The following RASEF variants were observed in gnomAD, a reference collection of about 807,000 sequenced individuals.
The protein encoded by RASEF is ras and EF-hand domain-containing protein.
RASEF carries 68 observed loss-of-function variants against 90.1 expected under a neutral mutation model. The observed-to-expected ratio is 0.75, with a 90% CI of 0.62 to 0.92. The LOEUF (loss-of-function observed/expected upper bound fraction) is 0.92, where lower values mean the gene tolerates loss of function less well. Among genes scored for constraint, RASEF ranks in the 40% least tolerant of loss-of-function variants. The probability of loss-of-function intolerance (pLI) is 0.00; values close to 1 mark genes in which losing one functional copy is unlikely to be tolerated. For synonymous variants in RASEF, 331 were observed against 345.2 expected (o/e 0.96, Z 0.46); for missense variants, 949 against 937.2 (o/e 1.01, Z -0.16).
chr9:83,193,616 A>G, the RASEF span, among the ~76,000 whole-genome samples: 1 of 152,198 alleles, frequency 6.6e-6, no homozygotes, highest in Non-Finnish European at 1.5e-5. Context: ...TCTTCCTCTA[A>G]GTGGCCTCAT....
At chr9:83,176,085 C>T in the RASEF span, among the ~76,000 whole-genome samples, 14 of 152,096 alleles carry the variant, frequency 9.2e-5, no homozygotes, top group African/African-American at 3.4e-4. Flanking sequence ...GTCATTCTAC[C>T]CATTTTTGAA....
At chr9:83,128,721 G>A in the RASEF span, among the ~76,000 whole-genome samples, 1 of 152,042 alleles carries the variant, frequency 6.6e-6, no homozygotes, top group Admixed American at 6.5e-5. Flanking sequence ...CACCAAACGT[G>A]GGTATGAGCT....
chr9:83,075,285 T>G, the RASEF span, among the ~76,000 whole-genome samples: 2 of 152,230 alleles, frequency 1.3e-5, no homozygotes. Context: ...TTTATATTCT[T>G]TCTGTAATTG....
At chr9:83,107,948 A>G in the RASEF span, among the ~76,000 whole-genome samples, 70 of 152,358 alleles carry the variant, frequency 4.6e-4, no homozygotes, top group African/African-American at 1.6e-3. Flanking sequence ...TCTCAAAAAC[A>G]TGTTGAGTGA....
chr9:83,159,857 T>C, the RASEF span, among the ~76,000 whole-genome samples: 6 of 152,170 alleles, frequency 3.9e-5, no homozygotes, highest in East Asian at 1.9e-4. Context: ...TGGGAGGTGA[T>C]TGAATTATGG....
At chr9:83,189,237 C>A in the RASEF span, among the ~76,000 whole-genome samples, 1 of 152,172 alleles carries the variant, frequency 6.6e-6, no homozygotes, top group African/African-American at 2.4e-5. Context: ...TTATAAGGGG[C>A]TTTCCCCACT....
At chr9:83,034,666 C>A (rs73469465) in intron 1 of RASEF, among the ~76,000 whole-genome samples, 6,541 of 152,246 alleles carry the variant, frequency 0.043, 431 homozygotes, top group African/African-American at 0.15. Flanking sequence ...ATCATGCTGA[C>A]GCTTTACTGC....
rs766848389 is a variant in RASEF at position 82,997,038 on chromosome 9, T to C, written c.1894A>G (p.Ile632Val). 3.7e-6 allele frequency: 6 copies of C among 1,608,018 alleles called. No homozygotes were observed. The highest frequency in any genetic ancestry group is 5.1e-6 in the Non-Finnish European group (6 of 1,174,472). The change falls in exon 14 of 17, where the codon ATA becomes GTA. Residue 632 changes from isoleucine (I) to valine (V), a missense_variant. Ile to Val is a conservative substitution (Grantham distance 29). Transcript: ENST00000376447. ...TCAATCATATCTACCCATTCTCGTATGTTAAGAAAGCTTTTCTCACATGTA... is the reference window on the plus strand; with the variant it reads ...TCAATCATATCTACCCATTCTCGTACGTTAAGAAAGCTTTTCTCACATGTA... ...DVTCEKSFLN[I>V]REWVDMIEDA...
At chr9:83,091,999 A>ATTTTTTTTTTTTTTTTTTTTTTTTT in the RASEF span, among the ~76,000 whole-genome samples, 1 of 17,234 alleles carries the variant, frequency 5.8e-5, no homozygotes, top group African/African-American at 2.4e-4. Context: ...TTTTTCTTTT[A>ATTTTTTTTTTTTTTTTTTTTTTTTT]TTTCTTTTTT....
the RASEF span, among the ~76,000 whole-genome samples, chr9:83,148,595 C>T: frequency 2.6e-5 from 4 of 152,126 alleles, no homozygotes; most frequent in Admixed American, 6.5e-5. Flanking sequence ...CAGATTTAGC[C>T]CCTGGAATTG....
At chr9:83,041,427 T>C (rs1829840662) in intron 1 of RASEF, among the ~76,000 whole-genome samples, 1 of 152,222 alleles carries the variant, frequency 6.6e-6, no homozygotes, top group Non-Finnish European at 1.5e-5. Context: ...TCCCAGTCTG[T>C]TTTATGAAAA....
intron 13 of RASEF, 116 bp from the exon 14 acceptor site, chr9:82,997,242 G>A (rs1341718875): frequency 2.4e-5 from 16 of 680,502 alleles, no homozygotes; most frequent in South Asian, 9.9e-5. Flanking sequence ...GACTCTAACT[G>A]CAATATATGA....
chr9:83,076,638 T>G, the RASEF span, among the ~76,000 whole-genome samples: 1 of 152,206 alleles, frequency 6.6e-6, no homozygotes, highest in South Asian at 2.1e-4. Context: ...AAACCAAATT[T>G]TCTCAAATTG....
the RASEF span, among the ~76,000 whole-genome samples, chr9:83,206,840 C>T: frequency 4.6e-5 from 7 of 152,254 alleles, no homozygotes; most frequent in African/African-American, 1.7e-4. Context: ...AGCTGTTCAC[C>T]TCCAGAGCTG....
the RASEF span, among the ~76,000 whole-genome samples, chr9:83,080,687 A>G: frequency 1.3e-5 from 2 of 152,188 alleles, no homozygotes; most frequent in Non-Finnish European, 2.9e-5. Context: ...TTTAAAATGG[A>G]CATTAACTTC....
chr9:83,109,721 G>C, the RASEF span, among the ~76,000 whole-genome samples: 55,530 of 151,978 alleles, frequency 0.37, 10,708 homozygotes, highest in East Asian at 0.71. Flanking sequence ...TGTGCCCCAT[G>C]CTGACAATTT....
the RASEF span, among the ~76,000 whole-genome samples, chr9:83,095,614 A>G: frequency 6.6e-6 from 1 of 151,988 alleles, no homozygotes; most frequent in Non-Finnish European, 1.5e-5. Flanking sequence ...TTTATAGAGC[A>G]GTTCATACCA....
At chr9:83,118,348 T>G in the RASEF span, among the ~76,000 whole-genome samples, 1 of 152,198 alleles carries the variant, frequency 6.6e-6, no homozygotes, top group Admixed American at 6.5e-5. Context: ...GTTCATTAGT[T>G]ATTCAAATAG....
At chr9:83,079,731 GTATGTCTAAACAACAAATTA>G in the RASEF span, among the ~76,000 whole-genome samples, 2 of 147,328 alleles carry the variant, frequency 1.4e-5, no homozygotes, top group Admixed American at 6.9e-5. Context: ...TTAACAAATT[GTATGTCTAAACAACAAATTA>G]TATGTCTAAA....
Sources: allele counts gnomAD v4.1 joint callset (sites outside exome capture counted in the v4.1 genomes callset), GRCh38; gene constraint gnomAD v4.1.1; transcripts MANE v1.5; gene names NCBI Gene and HGNC (gene_info 2026-07-23, HGNC 2026-07-21).